The following CTNNA2 variants were observed in gnomAD, a reference collection of about 807,000 sequenced individuals.
CTNNA2 encodes catenin alpha-2.
A neutral mutation model predicts 101.0 loss-of-function variants in CTNNA2; 42 were observed. The observed-to-expected ratio is 0.42, with a 90% CI of 0.32 to 0.54. The LOEUF is 0.54. CTNNA2 is among the 20% of genes least tolerant of loss of function. The pLI is 0.14. For missense variants in CTNNA2, 871 were observed against 1,223.1 expected, an observed-to-expected ratio of 0.71 and a Z score of 4.29; for synonymous variants, 450 against 456.4, an observed-to-expected ratio of 0.99 and a Z score of 0.18.
In CTNNA2 at chr2:79,973,492, A is replaced by G. The variant is rs143881150; in HGVS notation, c.1056+63695A>G. Among the ~76,000 whole-genome samples, 36 of 152,320 alleles carry G rather than the reference A, an allele frequency of 2.4e-4. 1 individual carries two copies. The highest frequency in any genetic ancestry group is 8.4e-4 in the African/African-American group (35 of 41,578). ...GAGGTAAGTTGCCTGAAGCCAGAAA[A>G]TGGTGGAACAGAGAAGATTTATTGG... On this transcript the variant is annotated intron_variant, in intron 7 of 18. Coordinates refer to ENST00000402739, the MANE Select transcript of CTNNA2 (RefSeq NM_001282597.3).
At position 80,647,748 on chromosome 2, in the gene CTNNA2, A is replaced by G. The variant is rs532656505; in HGVS notation, c.2738A>G (p.Lys913Arg). 1 of 1,613,642 alleles carries G rather than the reference A, an allele frequency of 6.2e-7. No homozygotes were observed. The highest frequency in any genetic ancestry group is 1.3e-5 in the African/African-American group (1 of 75,002). The change falls in exon 19 of 19, where the codon AAG (lysine) becomes AGG (arginine). Residue 913 changes from lysine (K) to arginine (R), a missense_variant. Coordinates refer to ENST00000402739, the MANE Select transcript of CTNNA2 (RefSeq NM_001282597.3). ...TCTTGGAAGATGAAGGCTCCAGAGA[A>G]GAAGCCCCTTGTGAAGAGAGAAAAG... ...VVSWKMKAPE[K>R]KPLVKREKPE... is the part of the protein sequence containing the mutation.
intron 4 of CTNNA2, among the ~76,000 whole-genome samples, chr2:79,379,229 GC>G (rs1678013418): frequency 6.6e-6 from 1 of 152,146 alleles, no homozygotes; most frequent in Non-Finnish European, 1.5e-5. Context: ...ACTTAGGTTG[GC>G]CTGTCTGGTT....
At chr2:79,219,430 T>A (rs986172661) in intron 2 of CTNNA2, among the ~76,000 whole-genome samples, 17 of 152,214 alleles carry the variant, frequency 1.1e-4, no homozygotes, top group Non-Finnish European at 2.1e-4. Context: ...ATGTGGCTGG[T>A]GCAACTGAGG....
intron 4 of CTNNA2, among the ~76,000 whole-genome samples, chr2:79,453,382 C>T (rs1402104532): frequency 6.6e-6 from 1 of 152,048 alleles, no homozygotes; most frequent in Non-Finnish European, 1.5e-5. Flanking sequence ...GGCTCTGGTA[C>T]TTTAATTCAA....
At chr2:80,043,651 C>T (rs911495804) in intron 7 of CTNNA2, among the ~76,000 whole-genome samples, 9 of 152,124 alleles carry the variant, frequency 5.9e-5, no homozygotes, top group African/African-American at 2.2e-4. Context: ...AGATGGACTC[C>T]CCATCTTATT....
rs748213427 is a variant in CTNNA2, at chr2:80,346,094, GTTTA to G, written c.1057-47109_1057-47106del. ...AATTGAACTACAGGAATTCAGATCT[GTTTA>G]TTTATTTTGTTTCGGGGACTTAATT... On this transcript the variant is annotated intron_variant, in intron 7 of 18. Coordinates refer to ENST00000402739, the MANE Select transcript of CTNNA2 (RefSeq NM_001282597.3). 3.1e-4 allele frequency among the ~76,000 whole-genome samples: 47 copies of G among 152,248 alleles called. 1 individual carries two copies. Among genetic ancestry groups the G allele is most frequent in the Admixed American group, 2.3e-3 (35 of 15,298 alleles).
chr2:80,063,019 C>A (rs772393756), intron 7 of CTNNA2, among the ~76,000 whole-genome samples: 2 of 152,054 alleles, frequency 1.3e-5, no homozygotes, highest in African/African-American at 2.4e-5. Context: ...CACTGTGGCC[C>A]GGCCAAAGCA....
At chr2:80,013,225 A>C (rs545423921) in intron 7 of CTNNA2, among the ~76,000 whole-genome samples, 1 of 152,264 alleles carries the variant, frequency 6.6e-6, no homozygotes, top group Non-Finnish European at 1.5e-5. Flanking sequence ...GGTAGTTTAC[A>C]TTCTCAAGGT....
At chr2:79,996,759 T>C (rs1692572586) in intron 7 of CTNNA2, among the ~76,000 whole-genome samples, 1 of 151,950 alleles carries the variant, frequency 6.6e-6, no homozygotes, top group Admixed American at 6.6e-5. Context: ...GATCAGGCCC[T>C]GGAACGTGGT....
intron 2 of CTNNA2, among the ~76,000 whole-genome samples, chr2:79,694,259 G>A (rs997474668): frequency 1.8e-4 from 28 of 151,984 alleles, no homozygotes; most frequent in Middle Eastern, 3.4e-3. Flanking sequence ...TTTTTATGCT[G>A]AGTAAAGTTC....
At chr2:79,771,679 C>T (rs1250100711) in intron 3 of CTNNA2, among the ~76,000 whole-genome samples, 3 of 152,134 alleles carry the variant, frequency 2.0e-5, no homozygotes, top group Admixed American at 6.5e-5. Flanking sequence ...TGACAGGAGG[C>T]GGAGCTCAGG....
At chr2:80,311,533 C>T (rs927679192) in intron 7 of CTNNA2, among the ~76,000 whole-genome samples, 1 of 152,202 alleles carries the variant, frequency 6.6e-6, no homozygotes, top group Non-Finnish European at 1.5e-5. Context: ...AGAGGGCTGG[C>T]TTGGGGCCTT....
intron 15 of CTNNA2, among the ~76,000 whole-genome samples, chr2:80,591,457 GTTTTTTT>G (rs567131551): frequency 1.3e-4 from 9 of 70,312 alleles, no homozygotes; most frequent in Non-Finnish European, 2.1e-4. Context: ...TGCACAGCCT[GTTTTTTT>G]TTTTTTTTTT....
chr2:79,627,883 TTTTA>T (rs1679423917), intron 1 of CTNNA2, among the ~76,000 whole-genome samples: 1 of 152,190 alleles, frequency 6.6e-6, no homozygotes, highest in African/African-American at 2.4e-5. Context: ...AAAACAGACA[TTTTA>T]TTTAAGAAGG....
chr2:79,599,710 A>T (rs62140074), intron 1 of CTNNA2, among the ~76,000 whole-genome samples: 3 of 152,122 alleles, frequency 2.0e-5, no homozygotes, highest in African/African-American at 7.2e-5. Flanking sequence ...ACAAAAACTC[A>T]GTCTAGAAAA....
chr2:79,578,438 G>T (rs1675932457), intron 1 of CTNNA2, among the ~76,000 whole-genome samples: 2 of 152,046 alleles, frequency 1.3e-5, no homozygotes, highest in South Asian at 4.1e-4. Context: ...TCAGGCAAAG[G>T]CTGTCTTGTT....
At chr2:80,479,890 T>C (rs1229463271) in intron 9 of CTNNA2, among the ~76,000 whole-genome samples, 2 of 152,174 alleles carry the variant, frequency 1.3e-5, no homozygotes, top group Non-Finnish European at 2.9e-5. Flanking sequence ...CTTGAATAAT[T>C]TCATTCTTTT....
intron 6 of CTNNA2, among the ~76,000 whole-genome samples, chr2:79,878,231 G>C (rs1356729579): frequency 2.0e-5 from 3 of 152,170 alleles, no homozygotes; most frequent in Admixed American, 2.0e-4. Context: ...GGGCATTTGG[G>C]TTGGTTCCAT....
chr2:79,691,844 C>T (rs758724463), intron 2 of CTNNA2, among the ~76,000 whole-genome samples: 6 of 152,058 alleles, frequency 3.9e-5, no homozygotes, highest in Non-Finnish European at 8.8e-5. Context: ...AACTGGACCC[C>T]TTCCTTACAC....
Sources: gnomAD v4.1 joint callset for allele counts (sites outside exome capture counted in the v4.1 genomes callset) on GRCh38, gnomAD v4.1.1 for gene constraint, MANE v1.5 for transcripts, NCBI Gene and HGNC (gene_info 2026-07-23, HGNC 2026-07-21) for gene names.